CUBN: variants seen among roughly 807,000 people sequenced by gnomAD.
The protein encoded by CUBN is 460 kDa receptor.
CUBN carries 282 observed loss-of-function variants against 405.3 expected under a neutral mutation model. That is an observed-to-expected ratio of 0.70 (90% CI 0.63 to 0.77). CUBN has a LOEUF of 0.77. CUBN is among the 30% of genes least tolerant of loss of function. The pLI, the probability that CUBN is intolerant of heterozygous loss-of-function variation, is 0.00. For missense variants in CUBN, 4,514 were observed against 4,475.2 expected (o/e 1.01, Z -0.25); for synonymous variants, 1,684 against 1,617.0 (o/e 1.04, Z -0.99).
chr10:16,932,913 C>T (rs189582787), intron 40 of CUBN, among the ~76,000 whole-genome samples, 174 bp downstream of exon 40: 11 of 152,262 alleles, frequency 7.2e-5, no homozygotes, highest in Admixed American at 6.5e-4. Context: ...TAATTTAATA[C>T]TTTCTATGTC....
At chr10:16,971,912 G>A (rs925783497) in intron 31 of CUBN, among the ~76,000 whole-genome samples, 1 of 151,990 alleles carries the variant, frequency 6.6e-6, no homozygotes, top group African/African-American at 2.4e-5. Context: ...AAGCTCAGAA[G>A]CTCCTGCACC....
chr10:16,989,890 T>C (rs1833532041), intron 29 of CUBN, among the ~76,000 whole-genome samples: 2 of 152,338 alleles, frequency 1.3e-5, no homozygotes, highest in Admixed American at 6.5e-5. Flanking sequence ...CGAATGCTCT[T>C]TCTGGGGGAG....
At chr10:17,111,859 G>A (rs796089861) in intron 8 of CUBN, among the ~76,000 whole-genome samples, 34 of 152,352 alleles carry the variant, frequency 2.2e-4, no homozygotes, top group African/African-American at 7.9e-4. Context: ...GGGAGGTGGA[G>A]GTTGCAGTGA....
chr10:16,957,316 C>T (rs1246670010), intron 31 of CUBN, among the ~76,000 whole-genome samples: 1 of 152,168 alleles, frequency 6.6e-6, no homozygotes, highest in Non-Finnish European at 1.5e-5. Context: ...TGGCTTATTT[C>T]CATGAACATA....
In CUBN at chr10:16,954,833, G is replaced by A. The variant is rs548379702; in HGVS notation, c.4696-285C>T. On this transcript the variant is annotated intron_variant, in intron 31 of 66. Transcript: ENST00000377833. ...ACACTCCCCTTCCTTCCCAACCCCA[G>A]TGTAGTCACCTCACAGGCCATGCCC... Among the ~76,000 whole-genome samples, 7 of 152,180 alleles carry A rather than the reference G, an allele frequency of 4.6e-5. No individual in the cohort carries two copies. In the South Asian group the frequency reaches 1.4e-3, roughly 31 times the overall value.
At chr10:16,958,223 C>G (rs1331851618) in intron 31 of CUBN, among the ~76,000 whole-genome samples, 1 of 152,224 alleles carries the variant, frequency 6.6e-6, no homozygotes, top group Admixed American at 6.5e-5. Context: ...CCCCTACCCC[C>G]AGCCCCTGAG....
At chr10:16,956,802 TTAGAA>T (rs1297621169) in intron 31 of CUBN, among the ~76,000 whole-genome samples, 1 of 152,166 alleles carries the variant, frequency 6.6e-6, no homozygotes, top group African/African-American at 2.4e-5. Context: ...ATTTATTTGT[TTAGAA>T]TAGCATTTTT....
At chr10:16,851,822 C>G (rs1588586696) in intron 59 of CUBN, among the ~76,000 whole-genome samples, 5 of 137,152 alleles carry the variant, frequency 3.6e-5, no homozygotes, top group South Asian at 2.6e-4. Flanking sequence ...CTCTATATTT[C>G]CCTCCCTCAC....
chr10:16,884,975 G>A (rs1424426345), intron 56 of CUBN, among the ~76,000 whole-genome samples: 2 of 152,160 alleles, frequency 1.3e-5, no homozygotes, highest in African/African-American at 4.8e-5. Flanking sequence ...GCCTATAGCA[G>A]CTAGAAAGGC....
intron 17 of CUBN, among the ~76,000 whole-genome samples, chr10:17,074,536 G>A (rs1441689367): frequency 1.3e-5 from 2 of 152,132 alleles, no homozygotes; most frequent in Non-Finnish European, 2.9e-5. Context: ...GTAGTTTTGT[G>A]CAATTTTAAT....
At chr10:17,008,662 G>A (rs1834098091) in intron 28 of CUBN, among the ~76,000 whole-genome samples, 1 of 151,954 alleles carries the variant, frequency 6.6e-6, no homozygotes, top group African/African-American at 2.4e-5. Flanking sequence ...TTTAGGTTTT[G>A]GTTCAGAGGT....
intron 27 of CUBN, among the ~76,000 whole-genome samples, chr10:17,028,487 G>A (rs992780426): frequency 5.3e-5 from 8 of 151,842 alleles, no homozygotes; most frequent in African/African-American, 1.7e-4. Context: ...TTGGGAGGCC[G>A]AAGTGGGTGG....
chr10:16,989,087 G>C (rs1833508158), intron 29 of CUBN, among the ~76,000 whole-genome samples: 1 of 152,086 alleles, frequency 6.6e-6, no homozygotes, highest in African/African-American at 2.4e-5. Flanking sequence ...TGGGAATATA[G>C]CAGTAAAACA....
In CUBN at chr10:17,038,090, C is replaced by A. The variant is rs568034043; in HGVS notation, c.4017+2943G>T. ...AGTAGCTGAGATTATAGGCCTGAGC[C>A]ACCGTGCCCAGCCACAATCACCTCT... On this transcript the variant is annotated intron_variant, in intron 27 of 66. Coordinates refer to ENST00000377833, the MANE Select transcript of CUBN (RefSeq NM_001081.4). 2.6e-5 allele frequency among the ~76,000 whole-genome samples: 4 copies of A among 152,280 alleles called. No homozygotes were observed. In the South Asian group the frequency reaches 8.3e-4, roughly 32 times the overall value.
chr10:17,053,279 A>G (rs1352280099), intron 22 of CUBN, among the ~76,000 whole-genome samples: 1 of 151,982 alleles, frequency 6.6e-6, no homozygotes, highest in Non-Finnish European at 1.5e-5. Flanking sequence ...AAACACAGAA[A>G]AAGCAGGACC....
intron 1 of CUBN, 27 bp from the exon 2 acceptor site, chr10:17,129,277 T>A: frequency 6.2e-7 from 1 of 1,610,936 alleles, no homozygotes; most frequent in African/African-American, 1.3e-5. Flanking sequence ...AGAGAATGCA[T>A]CAGTAATTAG....
At chr10:17,067,220 A>G (rs1219908291) in intron 21 of CUBN, among the ~76,000 whole-genome samples, 2 of 152,170 alleles carry the variant, frequency 1.3e-5, no homozygotes, top group Non-Finnish European at 2.9e-5. Flanking sequence ...TGTCTGAATT[A>G]GTAGATAAAG....
chr10:17,129,098 T>TC, intron 2 of CUBN, 23 bp downstream of exon 2: 1 of 1,597,806 alleles, frequency 6.3e-7, no homozygotes. Flanking sequence ...CAAAATGACT[T>TC]CAATATATTT....
In CUBN at chr10:17,129,758, T is replaced by G. The variant is rs1487138843; in HGVS notation, c.8A>C (p.Asn3Thr). 2 of 1,613,950 alleles carry G rather than the reference T, an allele frequency of 1.2e-6. No individual in the cohort carries two copies. Among genetic ancestry groups the G allele is most frequent in the Non-Finnish European group, 1.7e-6 (2 of 1,179,974 alleles). ...ACTCCAAAGAAAAGGTAAAGACATG[T>G]TCATCATCAACCTCCCAGGTTGGCA... MM[N>T]MSLPFLWSLL... Residue 3 changes from asparagine to threonine, a missense_variant, in exon 1 of 67, where the codon AAC becomes ACC. By Grantham distance (65) the Asn-to-Thr change is moderately conservative (BLOSUM62 0). Around this residue, in one of 5 missense-constraint regions of CUBN, gnomAD observed 1,448 missense variants for 1,388.0 expected, o/e 1.04. Coordinates refer to ENST00000377833, the MANE Select transcript of CUBN (RefSeq NM_001081.4).
Sources: allele counts gnomAD v4.1 joint callset (sites outside exome capture counted in the v4.1 genomes callset), GRCh38; gene constraint gnomAD v4.1.1; regional missense constraint gnomAD v4.1.1; transcripts MANE v1.5; gene names NCBI Gene and HGNC (gene_info 2026-07-23, HGNC 2026-07-21).